The following POLR3D variants were observed in gnomAD, a reference collection of about 807,000 sequenced individuals.
POLR3D encodes the protein DNA-directed RNA polymerase III subunit RPC4.
In POLR3D, 42 loss-of-function variants were observed where a neutral mutation model predicts 44.5. The ratio of observed to expected loss-of-function variants is 0.94; its 90% CI spans 0.74 to 1.22. POLR3D has a LOEUF of 1.22. POLR3D is among the 50% of genes most tolerant of loss of function. The pLI, the probability that POLR3D is intolerant of heterozygous loss-of-function variation, is 0.00. For synonymous variants in POLR3D, 217 were observed against 198.1 expected (o/e 1.10, Z -0.80); for missense variants, 507 against 505.2 (o/e 1.00, Z -0.03).
At chr8:22,246,908 A>T (rs1361407136) in intron 2 of POLR3D, among the ~76,000 whole-genome samples, 1 of 152,172 alleles carries the variant, frequency 6.6e-6, no homozygotes, top group African/African-American at 2.4e-5. Context: ...GTTTGAAGAG[A>T]AGAGGTGAGA....
chr8:22,248,234 G>T lies in POLR3D; in HGVS notation c.442G>T (p.Asp148Tyr). ...INIKKEKRETDEETKQILRML... is the reference protein window; with the variant it reads ...INIKKEKRETYEETKQILRML... The stretch of plus-strand genomic sequence containing the variant: ...CATCAAAAAAGAGAAGAGAGAGACA[G>T]ACGAAGAAACTAAACAGATCTTGCG... Residue 148 changes from aspartate to tyrosine, a missense_variant, in exon 5 of 9, where the codon GAC (aspartate) becomes TAC (tyrosine). Asp to Tyr is a radical substitution (Grantham distance 160). Coordinates refer to ENST00000306433, the MANE Select transcript of POLR3D (RefSeq NM_001722.3). 6.2e-7 allele frequency: 1 copy of T among 1,614,214 alleles called. No homozygotes were observed. The highest frequency in any genetic ancestry group is 8.5e-7 in the Non-Finnish European group (1 of 1,180,050).
At position 22,248,653 on chromosome 8, in the gene POLR3D, C is replaced by T; in HGVS notation, c.655+4C>T. 1.9e-6 allele frequency: 3 copies of T among 1,610,494 alleles called. No homozygotes were observed. Among genetic ancestry groups the T allele is most frequent in the Non-Finnish European group, 2.5e-6 (3 of 1,178,504 alleles). On this transcript the variant is annotated splice_donor_region_variant and intron_variant, in intron 6 of 8. Transcript: ENST00000306433. ...GTGGACATACCTGCTGTGAAAGGTA[C>T]TCTGTCGGTTAACTTCTCATCTCCA...
intron 2 of POLR3D, among the ~76,000 whole-genome samples, chr8:22,246,602 C>T (rs1357398053): frequency 1.3e-5 from 2 of 151,756 alleles, no homozygotes; most frequent in East Asian, 1.9e-4. Context: ...CCCGCCACCG[C>T]GCCCAGCTAC....
At chr8:22,248,070 G>T (rs1308318179) in intron 4 of POLR3D, 62 bp downstream of exon 4, 2 of 1,607,212 alleles carry the variant, frequency 1.2e-6, no homozygotes, top group South Asian at 2.2e-5. Context: ...GAGAACAGTG[G>T]AATTTCCCCA....
At position 22,250,410 on chromosome 8, in the gene POLR3D, G is replaced by A. The variant is rs1275117373; in HGVS notation, c.1089G>A (p.Val363=). Residue 363 remains valine (V), a synonymous_variant, in exon 9 of 9, where the codon GTG becomes GTA. Transcript: ENST00000306433. ...TTAATTGGCAGGAGCTGGTGTCCGTGGGCCTTGGAGACAGTAGGACAGGGG... is the reference window on the plus strand; with the variant it reads ...TTAATTGGCAGGAGCTGGTGTCCGTAGGCCTTGGAGACAGTAGGACAGGGG... ...ACSFLQELVS[V]GLGDSRTGEM... 2 of 1,614,154 alleles carry A rather than the reference G, an allele frequency of 1.2e-6. No homozygotes were observed. The highest frequency in any genetic ancestry group is 2.2e-5 in the South Asian group (2 of 91,074).
intron 5 of POLR3D, 88 bp from the exon 6 acceptor site, chr8:22,248,393 C>T (rs998011093): frequency 1.1e-5 from 17 of 1,570,900 alleles, no homozygotes; most frequent in Middle Eastern, 1.7e-4. Context: ...TGGGGAGCAG[C>T]GGAATCTTTG....
chr8:22,250,269 TGAA>T, intron 8 of POLR3D, 42 bp downstream of exon 8: 1 of 1,610,720 alleles, frequency 6.2e-7, no homozygotes, highest in Non-Finnish European at 8.5e-7. Context: ...CTTTCAGGAG[TGAA>T]GGAGGATTGA....
intron 7 of POLR3D, among the ~76,000 whole-genome samples, chr8:22,249,838 G>T (rs190312478): frequency 2.0e-5 from 3 of 152,116 alleles, no homozygotes; most frequent in African/African-American, 7.2e-5. Flanking sequence ...ATAAGAGAAC[G>T]TAAACCGCCA....
In POLR3D at chr8:22,247,951, G is replaced by A; in HGVS notation, c.304G>A (p.Val102Met). 1 of 1,614,162 alleles carries A rather than the reference G, an allele frequency of 6.2e-7. No homozygotes were observed. Among genetic ancestry groups the A allele is most frequent in the Admixed American group, 1.7e-5 (1 of 60,012 alleles). Reference sequence around the variant, plus strand: ...TGGACGAGGGCGAGGCCGTCCAGAAGTGATCCAGTCTCACTCCATCTTTGA... The same window carrying A: ...TGGACGAGGGCGAGGCCGTCCAGAAATGATCCAGTCTCACTCCATCTTTGA... ...GHGRGRGRPE[V>M]IQSHSIFEQG... is the part of the protein sequence containing the mutation. The change falls in exon 4 of 9, where the codon GTG (valine) becomes ATG (methionine). Residue 102 changes from valine (V) to methionine (M), a missense_variant. Coordinates refer to ENST00000306433, the MANE Select transcript of POLR3D (RefSeq NM_001722.3).
intron 2 of POLR3D, among the ~76,000 whole-genome samples, chr8:22,246,930 C>A (rs1830049681): frequency 6.6e-6 from 1 of 152,150 alleles, no homozygotes; most frequent in South Asian, 2.1e-4. Flanking sequence ...CAGAGAAATT[C>A]CTTTGCTTTT....
At chr8:22,248,940 C>G (rs754759166) in intron 6 of POLR3D, 104 bp from the exon 7 acceptor site, 21 of 1,337,910 alleles carry the variant, frequency 1.6e-5, no homozygotes, top group Non-Finnish European at 2.2e-5. Flanking sequence ...CTTCCCACTC[C>G]CTGGCTGAGT....
intron 2 of POLR3D, 71 bp downstream of exon 2, chr8:22,245,685 T>C: frequency 9.3e-7 from 1 of 1,079,398 alleles, no homozygotes; most frequent in Non-Finnish European, 1.2e-6. Context: ...AACTAATGTT[T>C]GTGTAGGACC....
In POLR3D at chr8:22,250,466, A is replaced by C. The variant is rs781176325; in HGVS notation, c.1145A>C (p.Lys382Thr). The change falls in exon 9 of 9, where the codon AAA becomes ACA. Residue 382 changes from lysine (K) to threonine (T), a missense_variant. Coordinates refer to ENST00000306433, the MANE Select transcript of POLR3D (RefSeq NM_001722.3). ...ACAGTCCTGGGACACGTGAAGCACAAACTTGTATGTTCCCCTGATTTTGAA... is the reference window on the plus strand; with the variant it reads ...ACAGTCCTGGGACACGTGAAGCACACACTTGTATGTTCCCCTGATTTTGAA... ...EMTVLGHVKH[K>T]LVCSPDFESL... 4.3e-6 allele frequency: 7 copies of C among 1,614,174 alleles called. No individual in the cohort carries two copies. Among genetic ancestry groups the C allele is most frequent in the Non-Finnish European group, 5.9e-6 (7 of 1,180,024 alleles).
Position 22,250,517 on chromosome 8 carries a change from A to T in POLR3D, c.1196A>T (p.Ter399LeuextTer23). The stretch of plus-strand genomic sequence containing the variant: ...TCCCTCTTGGATCACAAACACCGGT[A>T]AAATGAGCAGGTGGAGGAGGACGGC... ...FESLLDHKHR[*>L] Residue 399 changes from the stop codon to leucine, a stop_lost, in exon 9 of 9, where the codon TAA (stop) becomes TTA (leucine). Transcript: ENST00000306433. The T allele has an allele frequency of 6.2e-7, 1 of 1,614,148 alleles. No homozygotes were observed. The highest frequency in any genetic ancestry group is 1.1e-5 in the South Asian group (1 of 91,078).
rs1830109092 is a variant in POLR3D at position 22,251,913 on chromosome 8, C to A, written c.*1395C>A. ...CACCTGGCCTCTGGGACAGTATGAA[C>A]CATAGGGGCTCAGGAAGAACCGCTT... On this transcript the variant is annotated 3_prime_UTR_variant, in exon 9 of 9. Transcript: ENST00000306433. 6.6e-6 allele frequency: 1 copy of A among 152,512 alleles called. No individual in the cohort carries two copies. The highest frequency in any genetic ancestry group is 1.5e-5 in the Non-Finnish European group (1 of 68,078). 9.4% of individuals were successfully genotyped at this position (152,512 alleles called of 1,614,324 possible).
rs147380984 is a variant in POLR3D at position 22,246,959 on chromosome 8, T to G, written c.166-262T>G. On this transcript the variant is annotated intron_variant, in intron 2 of 8. Transcript: ENST00000306433. Reference sequence around the variant, plus strand: ...TGCTTTTAGAAGTCCCAGAGGATCTTCTTTCAGAGGCAGAACCTAAGGCTG... The same window carrying G: ...TGCTTTTAGAAGTCCCAGAGGATCTGCTTTCAGAGGCAGAACCTAAGGCTG... 1.7e-3 allele frequency among the ~76,000 whole-genome samples: 266 copies of G among 152,354 alleles called. 1 individual carries two copies. Among genetic ancestry groups the G allele is most frequent in the African/African-American group, 6.1e-3 (253 of 41,584 alleles).
In POLR3D at chr8:22,248,622, A is replaced by T; in HGVS notation, c.628A>T (p.Met210Leu). The T allele has an allele frequency of 1.2e-6, 2 of 1,613,880 alleles. No individual in the cohort carries two copies. The highest frequency in any genetic ancestry group is 1.7e-6 in the Non-Finnish European group (2 of 1,179,982). ...PWLAGPKEED[M>L]EVDIPAVKVK... ...GCTGGCTGGCCCCAAGGAAGAGGAC[A>T]TGGAGGTGGACATACCTGCTGTGAA... Residue 210 changes from methionine to leucine, a missense_variant, in exon 6 of 9, where the codon ATG becomes TTG. Coordinates refer to ENST00000306433, the MANE Select transcript of POLR3D (RefSeq NM_001722.3).
intron 3 of POLR3D, 152 bp from the exon 4 acceptor site, chr8:22,247,705 A>G (rs2131948307): frequency 1.5e-6 from 1 of 651,508 alleles, no homozygotes; most frequent in Middle Eastern, 4.3e-4. Context: ...AAGTGAGAAA[A>G]GTGCTAGAAT....
In POLR3D at chr8:22,253,026, T is replaced by C. The variant is rs991827224; in HGVS notation, c.*2508T>C. On this transcript the variant is annotated 3_prime_UTR_variant, in exon 9 of 9. Coordinates refer to ENST00000306433, the MANE Select transcript of POLR3D (RefSeq NM_001722.3). Reference sequence around the variant, plus strand: ...ATTTATTCGGTGCCAGACAGATAACTGCCTATAACAGGATGTGATCAGCAC... The same window carrying C: ...ATTTATTCGGTGCCAGACAGATAACCGCCTATAACAGGATGTGATCAGCAC... 8 of 152,170 alleles carry C rather than the reference T, an allele frequency of 5.3e-5. No homozygotes were observed. Among genetic ancestry groups the C allele is most frequent in the African/African-American group, 1.7e-4 (7 of 41,436 alleles). The allele number at this position is 152,170 out of a possible 1,614,324, so 9.4% of individuals were successfully genotyped here. A position where few individuals can be genotyped will look rare whatever the true frequency, so the allele number is the denominator to read the frequency against.
Sources: gnomAD v4.1 joint callset for allele counts (sites outside exome capture counted in the v4.1 genomes callset) on GRCh38, gnomAD v4.1.1 for gene constraint, MANE v1.5 for transcripts, NCBI Gene and HGNC (gene_info 2026-07-23, HGNC 2026-07-21) for gene names.